The following CCZ1B variants were observed in gnomAD, a reference collection of about 807,000 sequenced individuals.
The protein encoded by CCZ1B is CCZ1B vacuolar protein trafficking and biogenesis associated, also known as vacuolar fusion protein CCZ1 homolog B.
In CCZ1B, 25 loss-of-function variants were observed where a neutral mutation model predicts 58.8. The ratio of observed to expected loss-of-function variants is 0.43; its 90% CI spans 0.31 to 0.59. CCZ1B has a LOEUF of 0.59. Among genes scored for constraint, CCZ1B ranks in the 20% least tolerant of loss-of-function variants. The pLI, the probability that CCZ1B is intolerant of heterozygous loss-of-function variation, is 0.12. For synonymous variants in CCZ1B, 66 were observed against 173.2 expected, an observed-to-expected ratio of 0.38 and a Z score of 4.86; for missense variants, 180 against 501.5, an observed-to-expected ratio of 0.36 and a Z score of 6.12.
chr7:6,800,371 A>T (rs1333849840), intron 14 of CCZ1B, among the ~76,000 whole-genome samples: 3 of 135,598 alleles, frequency 2.2e-5, no homozygotes, highest in African/African-American at 8.5e-5. Context: ...TTAAAAAAGG[A>T]CATTTTGGGC....
At chr7:6,820,945 C>G (rs1179032385) in intron 6 of CCZ1B, among the ~76,000 whole-genome samples, 1 of 148,846 alleles carries the variant, frequency 6.7e-6, no homozygotes, top group Admixed American at 6.7e-5. Flanking sequence ...AACTCCCTGC[C>G]TTAATGCTCT....
intron 7 of CCZ1B, among the ~76,000 whole-genome samples, chr7:6,815,690 G>C (rs1782989194): frequency 6.7e-6 from 1 of 149,018 alleles, no homozygotes; most frequent in Non-Finnish European, 1.5e-5. Context: ...CTTCAGCCCA[G>C]GCACTGGAAC....
At chr7:6,811,027 T>C (rs970751509) in intron 10 of CCZ1B, among the ~76,000 whole-genome samples, 3 of 151,556 alleles carry the variant, frequency 2.0e-5, no homozygotes, top group African/African-American at 4.9e-5. Flanking sequence ...TCAGACTGTT[T>C]CCTTTCTTTA....
intron 8 of CCZ1B, among the ~76,000 whole-genome samples, chr7:6,814,250 T>C (rs928287250): frequency 7.3e-5 from 9 of 122,918 alleles, no homozygotes; most frequent in Non-Finnish European, 1.7e-4. Context: ...AAAACATGCT[T>C]TGTGGACTGG....
At chr7:6,813,146 C>CT in intron 8 of CCZ1B, 109 bp from the exon 9 acceptor site, 5 of 1,312,010 alleles carry the variant, frequency 3.8e-6, no homozygotes, top group Non-Finnish European at 5.3e-6. Flanking sequence ...TTGTCTTTTT[C>CT]TTTTAGAGAC....
chr7:6,823,481 C>T (rs1583558307), intron 4 of CCZ1B, 121 bp from the exon 5 acceptor site: 1 of 1,223,244 alleles, frequency 8.2e-7, no homozygotes, highest in South Asian at 1.8e-5. Context: ...CTTCATCCCA[C>T]AATAGTTGCG....
intron 7 of CCZ1B, among the ~76,000 whole-genome samples, chr7:6,816,613 C>T (rs1355548299): frequency 6.6e-6 from 1 of 150,768 alleles, no homozygotes; most frequent in Admixed American, 6.6e-5. Flanking sequence ...GGCTGGTCTC[C>T]AAGTAACTCC....
intron 4 of CCZ1B, among the ~76,000 whole-genome samples, 153 bp from the exon 5 acceptor site, chr7:6,823,513 TTC>T (rs1554259602): frequency 0.015 from 2,005 of 133,294 alleles, 214 homozygotes; most frequent in African/African-American, 0.061. Flanking sequence ...AGTGTTTGCG[TTC>T]TTTTTTTTTT....
intron 7 of CCZ1B, among the ~76,000 whole-genome samples, chr7:6,815,661 A>C (rs1447418811): frequency 6.7e-6 from 1 of 149,048 alleles, no homozygotes; most frequent in Non-Finnish European, 1.5e-5. Context: ...CGCGAAGTTA[A>C]GGAAGGTAAA....
At chr7:6,817,247 G>C (rs1425907612) in intron 7 of CCZ1B, among the ~76,000 whole-genome samples, 3 of 151,532 alleles carry the variant, frequency 2.0e-5, no homozygotes, top group East Asian at 3.8e-4. Context: ...CTGGGCGCCA[G>C]ATTGTCCTGT....
rs564143615 is a variant in CCZ1B at position 6,823,879 on chromosome 7, T to C, written c.390+210A>G. ...CCTTACTTTAGGAGGGCTTTCAATATAGATGAAGAGTAGAAGGTATTAGTG... is the reference window on the plus strand; with the variant it reads ...CCTTACTTTAGGAGGGCTTTCAATACAGATGAAGAGTAGAAGGTATTAGTG... On this transcript the variant is annotated intron_variant, in intron 4 of 14. Coordinates refer to ENST00000316731, the MANE Select transcript of CCZ1B (RefSeq NM_198097.5). The C allele has an allele frequency of 5.1e-6, 5 of 982,384 alleles. No individual in the cohort carries two copies. In the African/African-American group the frequency reaches 5.2e-5, roughly 10 times the overall value. The allele number at this position is 982,384 out of a possible 1,614,324, so 60.9% of individuals were successfully genotyped here.
intron 7 of CCZ1B, among the ~76,000 whole-genome samples, chr7:6,816,872 C>A (rs1191272278): frequency 6.6e-6 from 1 of 151,306 alleles, no homozygotes; most frequent in East Asian, 1.9e-4. Context: ...CCAGCCTCAA[C>A]CTCTGTAGTC....
chr7:6,804,495 CT>C (rs1033128863), intron 12 of CCZ1B, among the ~76,000 whole-genome samples: 17 of 114,336 alleles, frequency 1.5e-4, no homozygotes, highest in Admixed American at 7.3e-4. Flanking sequence ...TGAATCCCGC[CT>C]CTCCCACTCA....
Position 6,824,989 on chromosome 7 carries a change from G to A in CCZ1B, c.121-252C>T, listed in dbSNP as rs568702213. On this transcript the variant is annotated intron_variant, in intron 1 of 14. Transcript: ENST00000316731. ...ACGTCTCTATTATTTAAAATAAGAA[G>A]AAGAACAGGAATGATCTCATCATTG... 1.1e-4 allele frequency among the ~76,000 whole-genome samples: 17 copies of A among 149,682 alleles called. 1 individual carries two copies. In the South Asian group the frequency reaches 3.4e-3, roughly 30 times the overall value.
intron 5 of CCZ1B, 95 bp from the exon 6 acceptor site, chr7:6,822,459 A>T (rs1421974316): frequency 7.0e-7 from 1 of 1,438,096 alleles, no homozygotes; most frequent in East Asian, 2.4e-5. Context: ...TTATTAATTC[A>T]GCTCATTAAA....
chr7:6,819,742 T>A lies in CCZ1B; in HGVS notation c.698+24A>T, dbSNP rs200142817. 789 of 1,342,590 alleles carry A rather than the reference T, an allele frequency of 5.9e-4. 18 individuals carry two copies. The highest frequency in any genetic ancestry group is 7.0e-4 in the Non-Finnish European group (691 of 980,150). 83.2% of individuals were successfully genotyped at this position (1,342,590 alleles called of 1,614,324 possible). A position where few individuals can be genotyped will look rare whatever the true frequency, so the allele number is the denominator to read the frequency against. On this transcript the variant is annotated intron_variant, in intron 7 of 14. Transcript: ENST00000316731. ...TTATTATCTTAATTTCTTCTTTTAA[T>A]ACCATGCCTCGGGGTGTACCTACCA...
intron 12 of CCZ1B, among the ~76,000 whole-genome samples, chr7:6,803,515 G>A (rs1434948941): frequency 1.2e-5 from 1 of 80,214 alleles, no homozygotes. Context: ...GGGTGAAAGA[G>A]TGAAACTCTG....
chr7:6,821,491 C>CA (rs1228380936), intron 6 of CCZ1B, among the ~76,000 whole-genome samples: 31 of 152,408 alleles, frequency 2.0e-4, no homozygotes, highest in South Asian at 1.7e-3. Flanking sequence ...TTCAGAGAAA[C>CA]AAAAAAATTC....
intron 9 of CCZ1B, chr7:6,812,495 CAAAAA>C (rs1171967639): frequency 3.9e-3 from 329 of 85,366 alleles, no homozygotes; most frequent in South Asian, 0.013. Flanking sequence ...CACTCCATCT[CAAAAA>C]AAAAAAAAAA....
Sources: allele counts gnomAD v4.1 joint callset (sites outside exome capture counted in the v4.1 genomes callset), GRCh38; gene constraint gnomAD v4.1.1; transcripts MANE v1.5; gene names NCBI Gene and HGNC (gene_info 2026-07-23, HGNC 2026-07-21).